Variants in DSG1 observed in about 807,000 individuals in gnomAD.
DSG1 encodes desmoglein-1.
In DSG1, 39 loss-of-function variants were observed where a neutral mutation model predicts 97.5. The observed-to-expected ratio is 0.40, with a 90% CI of 0.31 to 0.52. DSG1 has a LOEUF of 0.52. DSG1 is among the 20% of genes least tolerant of loss of function. The pLI is 0.53. For synonymous variants in DSG1, 475 were observed against 443.4 expected (o/e 1.07, Z -0.90); for missense variants, 1,311 against 1,295.4 (o/e 1.01, Z -0.18).
In DSG1 at chr18:31,334,202, G is replaced by C; in HGVS notation, c.1005G>C (p.Lys335Asn). The change falls in exon 8 of 15, where the codon AAG becomes AAC. Residue 335 changes from lysine (K) to asparagine (N), a missense_variant and splice_region_variant. Physicochemically the swap from Lys to Asn is moderately conservative, Grantham distance 94. This residue lies in a region of DSG1 where 1,038 missense variants were observed against 964.6 expected (regional missense o/e 1.08). Transcript: ENST00000257192. ...ATGTGGGAATTTTAAAGGTTGTTAA[G>C]GTATGGTATAATTATCCTAAATATT... is the stretch of plus-strand genomic sequence containing the variant. The part of the protein sequence containing the change: ...RTNVGILKVV[K>N]PLDYEAMQSL... The C allele has an allele frequency of 6.4e-7, 1 of 1,568,838 alleles. No individual in the cohort carries two copies. The highest frequency in any genetic ancestry group is 8.8e-7 in the Non-Finnish European group (1 of 1,140,468).
At chr18:31,345,408 G>T (rs186488753) in intron 13 of DSG1, 2 of 152,528 alleles carry the variant, frequency 1.3e-5, no homozygotes, top group African/African-American at 4.8e-5. Flanking sequence ...CTGTGCAGGG[G>T]CAATCCTAAT....
intron 1 of DSG1, 125 bp downstream of exon 1, chr18:31,318,473 G>C: frequency 1.2e-6 from 1 of 819,678 alleles, no homozygotes. Flanking sequence ...TTAATGACAA[G>C]ATGATTTTAT....
chr18:31,326,922 C>T lies in DSG1; in HGVS notation c.133C>T (p.Arg45Ter), dbSNP rs1182196436. 3 of 1,613,610 alleles carry T rather than the reference C, an allele frequency of 1.9e-6. No homozygotes were observed. Among genetic ancestry groups the T allele is most frequent in the Admixed American group, 3.3e-5 (2 of 59,964 alleles). The change falls in exon 3 of 15, where the codon CGA becomes TGA. Residue 45 changes from arginine (R) to a stop codon, truncating the protein, a stop_gained. Coordinates refer to ENST00000257192, the MANE Select transcript of DSG1 (RefSeq NM_001942.4). LOFTEE classifies it high-confidence loss of function. ...KNGTIKWHSIRRQKREWIKFA... is the reference protein window; with the variant it reads ...KNGTIKWHSI ...TGGCACCATCAAATGGCATTCAATC[C>T]GAAGGCAGAAACGTGAATGGATCAA... is the stretch of plus-strand genomic sequence containing the variant.
intron 4 of DSG1, among the ~76,000 whole-genome samples, chr18:31,329,468 C>G (rs767992975): frequency 4.6e-5 from 7 of 152,104 alleles, no homozygotes; most frequent in Middle Eastern, 3.4e-3. Context: ...CAATGATCCC[C>G]CACAAACTTT....
intron 14 of DSG1, 146 bp downstream of exon 14, chr18:31,346,344 T>C (rs779418599): frequency 6.7e-6 from 5 of 744,106 alleles, no homozygotes; most frequent in East Asian, 5.4e-5. Flanking sequence ...ATCCATGCTG[T>C]TAATGAATTA....
chr18:31,343,972 T>A lies in DSG1; in HGVS notation c.1868T>A (p.Ile623Lys), dbSNP rs2071809985. The change falls in exon 13 of 15, where the codon ATA (isoleucine) becomes AAA (lysine). Residue 623 changes from isoleucine to lysine, a missense_variant. Coordinates refer to ENST00000257192, the MANE Select transcript of DSG1 (RefSeq NM_001942.4). ...IPQIPPDNAN[I>K]IECIDNSGVY... ...CAAATACCACCTGATAACGCAAATA[T>A]AATTGAATGCATTGACAACTCAGGT... 2 of 1,613,072 alleles carry A rather than the reference T, an allele frequency of 1.2e-6. No individual in the cohort carries two copies. The highest frequency in any genetic ancestry group is 8.5e-7 in the Non-Finnish European group (1 of 1,179,224).
chr18:31,354,635 C>T lies in DSG1; in HGVS notation c.2439C>T (p.Thr813=), dbSNP rs866574317. The part of the protein sequence containing the change: ...FGTTTVISES[T]YPSGPGVLHP... ...CTACCACAGTAATTTCTGAGAGCAC[C>T]TATCCCTCGGGACCTGGTGTACTGC... is the stretch of plus-strand genomic sequence containing the variant. The change falls in exon 15 of 15, where the codon ACC becomes ACT. Residue 813 remains threonine, a synonymous_variant. Coordinates refer to ENST00000257192, the MANE Select transcript of DSG1 (RefSeq NM_001942.4). 1.9e-6 allele frequency: 3 copies of T among 1,614,172 alleles called. No homozygotes were observed. Among genetic ancestry groups the T allele is most frequent in the African/African-American group, 1.3e-5 (1 of 75,040 alleles).
In DSG1 at chr18:31,358,956, GT is replaced by G. The variant is rs1401308329; in HGVS notation, c.*3613del. On this transcript the variant is annotated 3_prime_UTR_variant, in exon 15 of 15. Transcript: ENST00000257192. The stretch of plus-strand genomic sequence containing the variant: ...TAATTTTAAAACAATGTGTAATCTT[GT>G]TTGTCTACATTCTCTCCCCAGTTTA... Among the ~76,000 whole-genome samples, 3 of 152,042 alleles carry G rather than the reference GT, an allele frequency of 2.0e-5. No individual in the cohort carries two copies. The highest frequency in any genetic ancestry group is 4.4e-5 in the Non-Finnish European group (3 of 67,974).
At chr18:31,329,444 T>C (rs940473017) in intron 4 of DSG1, among the ~76,000 whole-genome samples, 9 of 152,144 alleles carry the variant, frequency 5.9e-5, no homozygotes, top group African/African-American at 1.7e-4. Context: ...TCTCTATTTC[T>C]CCCTTCTGTC....
Position 31,333,671 on chromosome 18 carries a change from A to G in DSG1, c.767A>G (p.Asn256Ser), listed in dbSNP as rs146862520. 1.7e-5 allele frequency: 28 copies of G among 1,613,770 alleles called. No individual in the cohort carries two copies. The African/African-American group carries it at 3.2e-4, about 18-fold the overall frequency. ...GGCATGTCAGCGGAATGTGAGTGCA[A>G]CATTAAAATCCTCGATGTCAATGAT... ...ADGMSAECEC[N>S]IKILDVNDNI... Residue 256 changes from asparagine to serine, a missense_variant, in exon 7 of 15, where the codon AAC becomes AGC. Physicochemically the swap from Asn to Ser is conservative, Grantham distance 46 (BLOSUM62 1). Transcript: ENST00000257192.
In DSG1 at chr18:31,337,257, GTTGT is replaced by G. The variant is rs147479238; in HGVS notation, c.1265+655_1265+658del. Among the ~76,000 whole-genome samples the G allele has an allele frequency of 1.7e-3, 249 of 149,498 alleles. 1 individual carries two copies. Among genetic ancestry groups the G allele is most frequent in the African/African-American group, 5.6e-3 (220 of 39,198 alleles). ...TTGGGGGTTTTTTGTTTGTTTGTTT[GTTGT>G]TTGTTTGTTTTTTGAGACAGAGTTT... is the stretch of plus-strand genomic sequence containing the variant. On this transcript the variant is annotated intron_variant, in intron 9 of 14. Transcript: ENST00000257192.
intron 1 of DSG1, among the ~76,000 whole-genome samples, chr18:31,324,519 T>G (rs183439201): frequency 6.6e-6 from 1 of 152,306 alleles, no homozygotes; most frequent in South Asian, 2.1e-4. Context: ...TTGCTGATCA[T>G]CTTCACCCAG....
rs1410683501 is a variant in DSG1, at chr18:31,356,569, C to T, written c.*1223C>T. ...GTAAAGTAGTGGTTGCTTTAGCAAA[C>T]CTCTGCTGCCATTTTGCAGGAATCA... is the stretch of plus-strand genomic sequence containing the variant. On this transcript the variant is annotated 3_prime_UTR_variant, in exon 15 of 15. Transcript: ENST00000257192. 6.6e-6 allele frequency: 1 copy of T among 152,150 alleles called. No homozygotes were observed. Among genetic ancestry groups the T allele is most frequent in the Non-Finnish European group, 1.5e-5 (1 of 68,026 alleles). 9.4% of individuals were successfully genotyped at this position (152,150 alleles called of 1,614,324 possible).
intron 12 of DSG1, 78 bp downstream of exon 12, chr18:31,343,661 A>G: frequency 6.3e-7 from 1 of 1,595,694 alleles, no homozygotes; most frequent in African/African-American, 1.3e-5. Context: ...GATGGCCGCC[A>G]TCACTCACAG....
chr18:31,327,454 A>G (rs1186782634), intron 3 of DSG1, among the ~76,000 whole-genome samples: 3 of 151,982 alleles, frequency 2.0e-5, no homozygotes, highest in Non-Finnish European at 4.4e-5. Context: ...TCCTTTCTAC[A>G]TACACACACA....
At chr18:31,324,178 T>A (rs910439703) in intron 1 of DSG1, among the ~76,000 whole-genome samples, 3 of 151,810 alleles carry the variant, frequency 2.0e-5, no homozygotes, top group Non-Finnish European at 4.4e-5. Context: ...GAGACGGGGT[T>A]TCACCATGTT....
At chr18:31,320,588 A>T (rs2144080259) in intron 1 of DSG1, among the ~76,000 whole-genome samples, 1 of 152,326 alleles carries the variant, frequency 6.6e-6, no homozygotes, top group South Asian at 2.1e-4. Flanking sequence ...TGGCTATTCC[A>T]TTGTTCTGAC....
Position 31,336,631 on chromosome 18 carries a change from A to C in DSG1, c.1265+18A>C. 1 of 1,613,814 alleles carries C rather than the reference A, an allele frequency of 6.2e-7. No homozygotes were observed. The highest frequency in any genetic ancestry group is 8.5e-7 in the Non-Finnish European group (1 of 1,179,802). ...ACTGTTAGGTAAGAATGAGATTTTC[A>C]ACTAATTTTCCTTACATATTGAACT... On this transcript the variant is annotated intron_variant, in intron 9 of 14. Transcript: ENST00000257192.
intron 9 of DSG1, among the ~76,000 whole-genome samples, chr18:31,338,111 T>C (rs946647960): frequency 6.6e-6 from 1 of 152,058 alleles, no homozygotes; most frequent in Non-Finnish European, 1.5e-5. Flanking sequence ...GCTCAGTAAT[T>C]TTTTTTTCTT....
Sources: allele counts gnomAD v4.1 joint callset (sites outside exome capture counted in the v4.1 genomes callset), GRCh38; gene constraint gnomAD v4.1.1; regional missense constraint gnomAD v4.1.1; transcripts MANE v1.5; gene names NCBI Gene and HGNC (gene_info 2026-07-23, HGNC 2026-07-21).